IFI16: variants seen among roughly 807,000 people sequenced by gnomAD.
IFI16 encodes the protein gamma-interferon-inducible protein 16.
IFI16 carries 49 observed loss-of-function variants against 68.4 expected under a neutral mutation model. The observed-to-expected ratio is 0.72, with a 90% CI of 0.57 to 0.91. The LOEUF is 0.91. Ranked by LOEUF, IFI16 falls within the 40% of genes least tolerant of loss-of-function variation. IFI16 has a pLI of 0.00. For missense variants in IFI16, 878 were observed against 942.9 expected (o/e 0.93, Z 0.90); for synonymous variants, 307 against 315.0 (o/e 0.97, Z 0.27).
chr1:159,014,692 A>G lies in IFI16; in HGVS notation c.12A>G (p.Lys4=). ...TTATGTCTGTAAAGATGGGAAAAAA[A>G]TACAAGAACATTGTTCTACTAAAAG... MGK[K]YKNIVLLKGL... The change falls in exon 2 of 12, where the codon AAA becomes AAG. Residue 4 remains lysine (K), a synonymous_variant. Coordinates refer to ENST00000295809, the MANE Select transcript of IFI16 (RefSeq NM_001376587.1). 1 of 1,597,738 alleles carries G rather than the reference A, an allele frequency of 6.3e-7. No individual in the cohort carries two copies. The highest frequency in any genetic ancestry group is 8.5e-7 in the Non-Finnish European group (1 of 1,171,546).
chr1:159,016,032 G>A, intron 3 of IFI16, 45 bp downstream of exon 3: 1 of 1,235,400 alleles, frequency 8.1e-7, no homozygotes, highest in Non-Finnish European at 1.2e-6. Context: ...CACAGAGGAA[G>A]CTCTGCTACG....
intron 6 of IFI16, among the ~76,000 whole-genome samples, chr1:159,024,880 C>T (rs1488325368): frequency 6.6e-6 from 1 of 152,066 alleles, no homozygotes; most frequent in East Asian, 1.9e-4. Flanking sequence ...ACCCATAATT[C>T]TAACGAAGAA....
intron 9 of IFI16, among the ~76,000 whole-genome samples, chr1:159,050,296 T>G (rs777802693): frequency 3.9e-5 from 6 of 152,246 alleles, no homozygotes; most frequent in African/African-American, 4.8e-5. Flanking sequence ...GTTTCCAGTA[T>G]TCTGTGTATT....
Position 159,052,107 on chromosome 1 carries a change from A to G in IFI16, c.2085+9A>G, listed in dbSNP as rs769078541. The G allele has an allele frequency of 6.3e-7, 1 of 1,587,560 alleles. No homozygotes were observed. The highest frequency in any genetic ancestry group is 8.6e-7 in the Non-Finnish European group (1 of 1,168,502). On this transcript the variant is annotated intron_variant, in intron 10 of 11. Coordinates refer to ENST00000295809, the MANE Select transcript of IFI16 (RefSeq NM_001376587.1). ...TGTTTGAGGTACATAAGGTAAGCCC[A>G]CACCATTGTTTTATAAAATTTCTCC...
intron 9 of IFI16, among the ~76,000 whole-genome samples, chr1:159,051,281 G>T (rs1259748988): frequency 6.6e-6 from 1 of 152,042 alleles, no homozygotes; most frequent in Non-Finnish European, 1.5e-5. Flanking sequence ...TGCTCAATAT[G>T]ACCTGACCTG....
intron 5 of IFI16, 75 bp from the exon 6 acceptor site, chr1:159,020,266 T>C (rs1015273065): frequency 2.8e-6 from 3 of 1,069,630 alleles, no homozygotes; most frequent in African/African-American, 3.2e-5. Flanking sequence ...TTAACTCTCT[T>C]AGAAGGGACT....
chr1:159,044,682 A>T (rs1571885791), intron 7 of IFI16, among the ~76,000 whole-genome samples: 1 of 152,176 alleles, frequency 6.6e-6, no homozygotes, highest in Non-Finnish European at 1.5e-5. Flanking sequence ...ATGTATAAAA[A>T]TATAGCTAAT....
At chr1:159,054,481 C>T (rs557041860) in intron 11 of IFI16, among the ~76,000 whole-genome samples, 1 of 152,174 alleles carries the variant, frequency 6.6e-6, no homozygotes, top group Non-Finnish European at 1.5e-5. Context: ...GTACTCTCCC[C>T]CTTCCTTCTG....
At chr1:159,019,889 A>G (rs1453888691) in intron 5 of IFI16, among the ~76,000 whole-genome samples, 1 of 152,260 alleles carries the variant, frequency 6.6e-6, no homozygotes, top group Non-Finnish European at 1.5e-5. Flanking sequence ...GAAGAGACTC[A>G]GTAAATGCAG....
intron 6 of IFI16, 127 bp downstream of exon 6, chr1:159,020,656 C>T: frequency 5.3e-6 from 3 of 562,350 alleles, no homozygotes; most frequent in South Asian, 3.1e-5. Flanking sequence ...CAGATATTCT[C>T]CTTGTATTCA....
At position 159,051,739 on chromosome 1, in the gene IFI16, G is replaced by C; in HGVS notation, c.1726G>C (p.Asp576His). The C allele has an allele frequency of 6.2e-7, 1 of 1,614,014 alleles. No homozygotes were observed. Among genetic ancestry groups the C allele is most frequent in the Middle Eastern group, 1.6e-4 (1 of 6,062 alleles). Residue 576 changes from aspartate to histidine, a missense_variant, in exon 10 of 12, where the codon GAC (aspartate) becomes CAC (histidine). By Grantham distance (81) the Asp-to-His change is moderately conservative (BLOSUM62 -1). This residue lies in a region of IFI16 where 311 missense variants were observed against 305.1 expected (regional missense o/e 1.02). Coordinates refer to ENST00000295809, the MANE Select transcript of IFI16 (RefSeq NM_001376587.1). ...EVSIEDSAQS[D>H]LKEVMVLNAT... ...TTCCATAGAAGACAGTGCCCAGAGT[G>C]ACCTCAAAGAAGTGATGGTGCTGAA... is the stretch of plus-strand genomic sequence containing the variant.
chr1:159,016,506 A>G (rs368049586), intron 3 of IFI16, 27 bp from the exon 4 acceptor site: 3 of 1,589,512 alleles, frequency 1.9e-6, no homozygotes, highest in South Asian at 1.1e-5. Flanking sequence ...CTGAAAACGA[A>G]TAACAGGAAA....
chr1:159,020,215 A>G, intron 5 of IFI16, 126 bp from the exon 6 acceptor site: 1 of 635,700 alleles, frequency 1.6e-6, no homozygotes, highest in Non-Finnish European at 2.7e-6. Context: ...GGCCTAAGAT[A>G]TGTGCATATC....
At chr1:159,012,437 G>C (rs1319015348) in intron 1 of IFI16, among the ~76,000 whole-genome samples, 2 of 152,088 alleles carry the variant, frequency 1.3e-5, no homozygotes, top group Non-Finnish European at 2.9e-5. Context: ...AAAATCAAAA[G>C]CACTAATATT....
chr1:159,053,459 A>T lies in IFI16; in HGVS notation c.2086-74A>T, dbSNP rs1655480707. The T allele has an allele frequency of 1.5e-5, 16 of 1,101,214 alleles. No homozygotes were observed. In the East Asian group the frequency reaches 3.8e-4, roughly 26 times the overall value. The allele number at this position is 1,101,214 out of a possible 1,614,324, so 68.2% of individuals were successfully genotyped here. On this transcript the variant is annotated intron_variant, in intron 10 of 11. Coordinates refer to ENST00000295809, the MANE Select transcript of IFI16 (RefSeq NM_001376587.1). ...CTATCAAAGACAAAAGTTTCCAGAA[A>T]CACCCTGTATTTCTCATAGATTTGA...
intron 7 of IFI16, among the ~76,000 whole-genome samples, chr1:159,034,411 T>G (rs183228915): frequency 2.0e-5 from 3 of 152,292 alleles, no homozygotes; most frequent in Admixed American, 2.0e-4. Flanking sequence ...TTGATCCAGG[T>G]GTAGAGAGAG....
intron 8 of IFI16, 41 bp from the exon 9 acceptor site, chr1:159,049,391 C>T (rs908954147): frequency 1.0e-6 from 1 of 965,416 alleles, no homozygotes; most frequent in African/African-American, 1.7e-5. Context: ...TCTTGAAAAA[C>T]ATTAACTAGA....
upstream of IFI16, among the ~76,000 whole-genome samples, chr1:159,006,486 T>C (rs1652264279): frequency 2.0e-5 from 3 of 152,184 alleles, no homozygotes; most frequent in Non-Finnish European, 4.4e-5. Context: ...ACATTGTTGG[T>C]GTTACTACCT....
Position 159,010,048 on chromosome 1 carries a change from T to C in IFI16, c.-134T>C, listed in dbSNP as rs1398471723. On this transcript the variant is annotated 5_prime_UTR_variant, in exon 1 of 12. Coordinates refer to ENST00000295809, the MANE Select transcript of IFI16 (RefSeq NM_001376587.1). ...TTCTGGAGATTACAACATCCTGCGG[T>C]TCCGTTTCTGGGAACTTTACTGATT... The C allele has an allele frequency of 1.3e-5, 2 of 152,198 alleles. No homozygotes were observed. The allele number at this position is 152,198 out of a possible 1,614,324, so 9.4% of individuals were successfully genotyped here. A position where few individuals can be genotyped will look rare whatever the true frequency, so the allele number is the denominator to read the frequency against.
Sources: allele counts gnomAD v4.1 joint callset (sites outside exome capture counted in the v4.1 genomes callset), GRCh38; gene constraint gnomAD v4.1.1; regional missense constraint gnomAD v4.1.1; transcripts MANE v1.5; gene names NCBI Gene and HGNC (gene_info 2026-07-23, HGNC 2026-07-21).